Variants in ARFIP1 observed in about 807,000 individuals in gnomAD.
ARFIP1 encodes the protein ARF interacting protein 1, also known as arfaptin-1.
Under a neutral mutation model 42.5 loss-of-function variants are expected in ARFIP1, and 24 were observed. The observed-to-expected ratio is 0.57, with a 90% confidence interval of 0.41 to 0.80. The LOEUF (loss-of-function observed/expected upper bound fraction) is 0.80, where lower values mean the gene tolerates loss of function less well. Ranked by LOEUF, ARFIP1 falls within the 30% of genes least tolerant of loss-of-function variation. The pLI is 0.00. For missense variants in ARFIP1, 354 were observed against 434.0 expected (o/e 0.82, Z 1.64); for synonymous variants, 141 against 153.7 (o/e 0.92, Z 0.61).
chr4:152,873,845 A>G (rs1212755342), intron 5 of ARFIP1, among the ~76,000 whole-genome samples: 1 of 152,160 alleles, frequency 6.6e-6, no homozygotes, highest in Non-Finnish European at 1.5e-5. Context: ...TTAGAGTGGC[A>G]TGAATCTGAC....
At chr4:152,814,229 C>T (rs1445150683) in intron 1 of ARFIP1, among the ~76,000 whole-genome samples, 1 of 151,758 alleles carries the variant, frequency 6.6e-6, no homozygotes, top group African/African-American at 2.4e-5. Context: ...TAGCTGAGAC[C>T]ACAGGTGCGC....
At chr4:152,879,447 A>G (rs1331041396) in intron 5 of ARFIP1, among the ~76,000 whole-genome samples, 1 of 152,178 alleles carries the variant, frequency 6.6e-6, no homozygotes, top group Admixed American at 6.5e-5. Context: ...CAGTGTGATT[A>G]AAGGAAGAGG....
chr4:152,894,193 G>A (rs1737106658), intron 8 of ARFIP1, among the ~76,000 whole-genome samples: 1 of 148,504 alleles, frequency 6.7e-6, no homozygotes, highest in South Asian at 2.1e-4. Flanking sequence ...AGATGACAGA[G>A]CGAGACTCTG....
intron 1 of ARFIP1, among the ~76,000 whole-genome samples, chr4:152,825,919 A>G (rs1383678169): frequency 1.8e-4 from 28 of 152,292 alleles, no homozygotes; most frequent in Admixed American, 1.8e-3. Flanking sequence ...CAACATCACT[A>G]ATCTTCAGGG....
chr4:152,896,238 C>T (rs919520068), intron 8 of ARFIP1, among the ~76,000 whole-genome samples: 1 of 152,086 alleles, frequency 6.6e-6, no homozygotes. Flanking sequence ...GGAGAAATAG[C>T]ACTGGATGAA....
intron 1 of ARFIP1, among the ~76,000 whole-genome samples, chr4:152,787,577 C>T (rs543821531): frequency 4.6e-5 from 7 of 152,316 alleles, no homozygotes; most frequent in African/African-American, 7.2e-5. Context: ...AATTCAGAGA[C>T]GGGAATGATA....
chr4:152,870,185 G>T (rs1336841761), intron 3 of ARFIP1, among the ~76,000 whole-genome samples: 3 of 152,274 alleles, frequency 2.0e-5, no homozygotes, highest in African/African-American at 7.2e-5. Flanking sequence ...ATTGAAGAAG[G>T]TCCTCTATGT....
chr4:152,888,865 C>A (rs988110122), intron 8 of ARFIP1, among the ~76,000 whole-genome samples: 15 of 152,108 alleles, frequency 9.9e-5, no homozygotes, highest in African/African-American at 3.6e-4. Flanking sequence ...GAAGTGGATT[C>A]ATATACTAAT....
intron 1 of ARFIP1, among the ~76,000 whole-genome samples, chr4:152,800,348 A>T (rs2149822585): frequency 6.6e-6 from 1 of 152,268 alleles, no homozygotes; most frequent in South Asian, 2.1e-4. Flanking sequence ...ATCTCGTTTA[A>T]TGCTACAATA....
chr4:152,829,750 A>C, intron 2 of ARFIP1, 24 bp downstream of exon 2: 1 of 1,516,678 alleles, frequency 6.6e-7, no homozygotes, highest in Non-Finnish European at 9.0e-7. Context: ...TCTTTCTCTT[A>C]ATGCAAAGAA....
intron 7 of ARFIP1, among the ~76,000 whole-genome samples, chr4:152,885,296 C>G (rs1281598341): frequency 1.3e-5 from 2 of 152,002 alleles, no homozygotes; most frequent in Admixed American, 1.3e-4. Context: ...CCCGAGTGGC[C>G]TTTTAATCCT....
chr4:152,841,384 G>A (rs1293954491), intron 2 of ARFIP1, among the ~76,000 whole-genome samples: 1 of 152,196 alleles, frequency 6.6e-6, no homozygotes, highest in Non-Finnish European at 1.5e-5. Flanking sequence ...TTCAATGTTA[G>A]TATTGAAATG....
chr4:152,890,174 T>G (rs1014778088), intron 8 of ARFIP1, among the ~76,000 whole-genome samples: 40 of 151,942 alleles, frequency 2.6e-4, no homozygotes, highest in Non-Finnish European at 4.7e-4. Context: ...TTCATGTGAT[T>G]TAAAGGAAGA....
chr4:152,871,017 T>C (rs146200808), intron 4 of ARFIP1, among the ~76,000 whole-genome samples, 169 bp downstream of exon 4: 2 of 152,350 alleles, frequency 1.3e-5, no homozygotes, highest in East Asian at 3.8e-4. Flanking sequence ...CTGTATCCTA[T>C]CTTTGTGGCT....
chr4:152,821,123 G>A (rs367690480), intron 1 of ARFIP1, among the ~76,000 whole-genome samples: 1 of 152,118 alleles, frequency 6.6e-6, no homozygotes, highest in South Asian at 2.1e-4. Context: ...CACTTCTCCA[G>A]CAGTGGATCC....
At chr4:152,796,692 A>T (rs1339354911) in intron 1 of ARFIP1, 101 of 879,514 alleles carry the variant, frequency 1.1e-4, no homozygotes, top group Non-Finnish European at 3.8e-6. Context: ...GTTTATGATT[A>T]AGCTTAGCCT....
chr4:152,902,746 T>C (rs1429698307), intron 8 of ARFIP1, among the ~76,000 whole-genome samples: 4 of 152,228 alleles, frequency 2.6e-5, no homozygotes, highest in Non-Finnish European at 4.4e-5. Flanking sequence ...CTGGAACATT[T>C]TGGCTTTTTG....
chr4:152,814,478 G>A (rs1729718218), intron 1 of ARFIP1, among the ~76,000 whole-genome samples: 1 of 152,150 alleles, frequency 6.6e-6, no homozygotes, highest in South Asian at 2.1e-4. Flanking sequence ...GGAAGGCTGA[G>A]GTGGGAGGAT....
At chr4:152,898,113 G>T (rs192421232) in intron 8 of ARFIP1, among the ~76,000 whole-genome samples, 1 of 151,528 alleles carries the variant, frequency 6.6e-6, no homozygotes, top group East Asian at 1.9e-4. Context: ...CTCCTGAGTG[G>T]CTGGGATTAC....
Sources: allele counts gnomAD v4.1 joint callset (sites outside exome capture counted in the v4.1 genomes callset), GRCh38; gene constraint gnomAD v4.1.1; transcripts MANE v1.5; gene names NCBI Gene and HGNC (gene_info 2026-07-23, HGNC 2026-07-21).